Variants in DPP8 observed in about 807,000 individuals in gnomAD.
DPP8 encodes DPP VIII.
DPP8 carries 31 observed loss-of-function variants against 107.5 expected under a neutral mutation model. The ratio of observed to expected loss-of-function variants is 0.29; its 90% CI spans 0.22 to 0.39. The LOEUF is 0.39. Ranked by LOEUF, DPP8 falls within the 10% of genes least tolerant of loss-of-function variation. The pLI is 1.00. For synonymous variants in DPP8, 381 were observed against 356.6 expected, an observed-to-expected ratio of 1.07 and a Z score of -0.77; for missense variants, 842 against 1,076.1, an observed-to-expected ratio of 0.78 and a Z score of 3.04.
intron 14 of DPP8, among the ~76,000 whole-genome samples, chr15:65,464,895 G>T (rs961969670): frequency 6.6e-6 from 1 of 151,974 alleles, no homozygotes; most frequent in Non-Finnish European, 1.5e-5. Context: ...TGGGTGGGGG[G>T]GTGAGGTAAA....
intron 3 of DPP8, among the ~76,000 whole-genome samples, chr15:65,503,297 G>A (rs1210756183): frequency 3.3e-5 from 5 of 151,936 alleles, no homozygotes; most frequent in Admixed American, 1.3e-4. Flanking sequence ...GTAGAGACGG[G>A]GTTTCTCCAT....
At chr15:65,510,215 T>C (rs558153127) in intron 2 of DPP8, among the ~76,000 whole-genome samples, 10 of 151,752 alleles carry the variant, frequency 6.6e-5, no homozygotes, top group Non-Finnish European at 1.3e-4. Flanking sequence ...ACTTGGGGGA[T>C]TGAGGCGGGA....
rs1428934604 is a variant in DPP8, at chr15:65,446,273, T to C, written c.*611A>G. ...TTATTTATACTAGATACAGATTAAA[T>C]TGGCTAAAAACTGGTCAGTGCCAAA... On this transcript the variant is annotated 3_prime_UTR_variant, in exon 20 of 20. Coordinates refer to ENST00000300141, the MANE Select transcript of DPP8 (RefSeq NM_130434.5). The C allele has an allele frequency of 6.6e-6, 1 of 152,328 alleles. No homozygotes were observed. Among genetic ancestry groups the C allele is most frequent in the Non-Finnish European group, 1.5e-5 (1 of 68,018 alleles). 9.4% of individuals were successfully genotyped at this position (152,328 alleles called of 1,614,324 possible). A position where few individuals can be genotyped will look rare whatever the true frequency, so the allele number is the denominator to read the frequency against.
intron 6 of DPP8, among the ~76,000 whole-genome samples, chr15:65,489,899 A>AT (rs1293708534): frequency 6.6e-6 from 1 of 151,236 alleles, no homozygotes; most frequent in Non-Finnish European, 1.5e-5. Context: ...TTGTATTTTT[A>AT]TTAGAAACGG....
chr15:65,464,639 G>C (rs1189051785), intron 14 of DPP8, among the ~76,000 whole-genome samples: 1 of 152,098 alleles, frequency 6.6e-6, no homozygotes, highest in East Asian at 1.9e-4. Flanking sequence ...GCTGTGCCCT[G>C]TGACTGCGCC....
chr15:65,491,420 C>G (rs2068021750), intron 5 of DPP8, among the ~76,000 whole-genome samples: 4 of 151,966 alleles, frequency 2.6e-5, no homozygotes, highest in Admixed American at 2.6e-4. Flanking sequence ...CTTGTATGAC[C>G]ACATCCCTAT....
intron 2 of DPP8, 96 bp downstream of exon 2, chr15:65,512,199 A>T (rs352477): frequency 0.94 from 1,157,321 of 1,227,482 alleles, 545,805 homozygotes; most frequent in Admixed American, 0.97. Context: ...GTCACTGATT[A>T]ATTTATTCAT....
chr15:65,487,070 T>C (rs908809139), intron 7 of DPP8, among the ~76,000 whole-genome samples: 5 of 152,022 alleles, frequency 3.3e-5, no homozygotes, highest in African/African-American at 1.2e-4. Flanking sequence ...ACAATTGAAA[T>C]GCTGTAAGAA....
chr15:65,469,721 A>T (rs1312653462), intron 12 of DPP8, among the ~76,000 whole-genome samples: 1 of 151,250 alleles, frequency 6.6e-6, no homozygotes, highest in Non-Finnish European at 1.5e-5. Flanking sequence ...CCATAATCCC[A>T]GCTACTCGGG....
intron 5 of DPP8, among the ~76,000 whole-genome samples, chr15:65,495,873 C>T (rs2068538033): frequency 6.6e-6 from 1 of 152,134 alleles, no homozygotes; most frequent in South Asian, 2.1e-4. Context: ...CACAGTAAGA[C>T]TCTGTCTCAA....
intron 19 of DPP8, among the ~76,000 whole-genome samples, chr15:65,448,866 A>ATATATATGTGTGTGTGTGTGTGTG (rs2063711529): frequency 8.9e-4 from 4 of 4,490 alleles, no homozygotes; most frequent in African/African-American, 2.1e-3. Context: ...TATATCTAAA[A>ATATATATGTGTGTGTGTGTGTGTG]TATATATATA....
Position 65,500,730 on chromosome 15 carries a change from T to C in DPP8, c.422A>G (p.Glu141Gly). Residue 141 changes from glutamate (E) to glycine (G), a missense_variant, in exon 4 of 20, where the codon GAA becomes GGA. Around this residue, in one of 2 missense-constraint regions of DPP8, gnomAD observed 663 missense variants for 758.0 expected, o/e 0.87. Transcript: ENST00000300141. ...MYSREEELLR[E>G]RKRIGTVGIA... ...TCCGACTGTTCCAATGCGTTTTCTT[T>C]CTCTTAATAGTTCTTCTTCTCGAGA... 6.2e-7 allele frequency: 1 copy of C among 1,614,116 alleles called. No individual in the cohort carries two copies.
chr15:65,479,717 G>A (rs905500920), intron 10 of DPP8, among the ~76,000 whole-genome samples: 3 of 151,644 alleles, frequency 2.0e-5, no homozygotes, highest in East Asian at 3.9e-4. Flanking sequence ...GGTGGCGGGC[G>A]CCTGTAGTCC....
chr15:65,456,692 G>A (rs756282911), intron 15 of DPP8, among the ~76,000 whole-genome samples: 32 of 152,128 alleles, frequency 2.1e-4, no homozygotes, highest in Non-Finnish European at 4.3e-4. Flanking sequence ...TGTGCTATTC[G>A]AATGACAGTT....
chr15:65,482,042 A>G (rs1176106006), intron 8 of DPP8, among the ~76,000 whole-genome samples: 2 of 151,730 alleles, frequency 1.3e-5, no homozygotes, highest in African/African-American at 4.8e-5. Flanking sequence ...GTATATATAT[A>G]TATTTTTTGA....
intron 7 of DPP8, among the ~76,000 whole-genome samples, chr15:65,486,550 T>C (rs775603735): frequency 6.6e-6 from 1 of 152,040 alleles, no homozygotes; most frequent in Non-Finnish European, 1.5e-5. Flanking sequence ...CAAGACACTG[T>C]CTTAAAAAAG....
At position 65,512,686 on chromosome 15, in the gene DPP8, A is replaced by G. The variant is rs530372949; in HGVS notation, c.-11-122T>C. 1.2e-4 allele frequency: 113 copies of G among 940,880 alleles called. No individual in the cohort carries two copies. In the African/African-American group the frequency reaches 1.6e-3, roughly 14 times the overall value. The allele number at this position is 940,880 out of a possible 1,614,324, so 58.3% of individuals were successfully genotyped here. On this transcript the variant is annotated intron_variant, in intron 1 of 19. Transcript: ENST00000300141. ...GGGCAAGAAAAAAATGCTTTTTAGC[A>G]CAGCTGCAATGAAACTTAGTAAGAA...
At chr15:65,509,228 C>T (rs183046553) in intron 2 of DPP8, among the ~76,000 whole-genome samples, 119 of 152,252 alleles carry the variant, frequency 7.8e-4, no homozygotes, top group African/African-American at 2.7e-3. Context: ...ACTGTGGTCA[C>T]CTATCAATAC....
In DPP8 at chr15:65,463,531, A is replaced by G. The variant is rs796469659; in HGVS notation, c.1971+230T>C. Among the ~76,000 whole-genome samples the G allele has an allele frequency of 1.1e-4, 17 of 152,040 alleles. 1 individual carries two copies. The highest frequency in any genetic ancestry group is 4.1e-4 in the African/African-American group (17 of 41,474). On this transcript the variant is annotated intron_variant, in intron 15 of 19. Coordinates refer to ENST00000300141, the MANE Select transcript of DPP8 (RefSeq NM_130434.5). ...TACTTCAGCCTGGGCAACAAGAGCA[A>G]AACTCCATCTCAAAAAAAAAAAAAA...
Sources: gnomAD v4.1 joint callset for allele counts (sites outside exome capture counted in the v4.1 genomes callset) on GRCh38, gnomAD v4.1.1 for gene constraint, gnomAD v4.1.1 regional missense constraint, MANE v1.5 for transcripts, NCBI Gene and HGNC (gene_info 2026-07-23, HGNC 2026-07-21) for gene names.